Variants in ALK observed in about 807,000 individuals in gnomAD.
The protein encoded by ALK is ALK tyrosine kinase receptor.
A neutral mutation model predicts 163.1 loss-of-function variants in ALK; 74 were observed. The ratio of observed to expected loss-of-function variants is 0.45; its 90% CI spans 0.38 to 0.55. ALK has a LOEUF of 0.55. ALK is among the 20% of genes least tolerant of loss of function. The pLI is 0.00. For missense variants in ALK, 2,063 were observed against 2,105.3 expected, an observed-to-expected ratio of 0.98 and a Z score of 0.39; for synonymous variants, 960 against 843.2, an observed-to-expected ratio of 1.14 and a Z score of -2.40.
At chr2:29,264,433 CCT>C (rs1319134464) in intron 11 of ALK, among the ~76,000 whole-genome samples, 2 of 152,208 alleles carry the variant, frequency 1.3e-5, no homozygotes, top group African/African-American at 2.4e-5. Context: ...CACCACCACC[CCT>C]GTCCCCTTGA....
chr2:29,849,722 G>C (rs1435838300), intron 1 of ALK, among the ~76,000 whole-genome samples: 2 of 152,096 alleles, frequency 1.3e-5, no homozygotes, highest in Admixed American at 6.5e-5. Flanking sequence ...GCTGGTACCT[G>C]GCTGTCAGCA....
intron 4 of ALK, among the ~76,000 whole-genome samples, chr2:29,452,323 GTTTTTTTTGTT>G: frequency 1.3e-5 from 1 of 79,542 alleles, no homozygotes; most frequent in South Asian, 3.9e-4. Context: ...TCTCACTCAA[GTTTTTTTTGTT>G]TTTTTTTTTT....
chr2:29,314,211 A>G (rs1666767979), intron 8 of ALK, among the ~76,000 whole-genome samples: 1 of 152,164 alleles, frequency 6.6e-6, no homozygotes, highest in Admixed American at 6.5e-5. Flanking sequence ...GAAGGGCTTC[A>G]GGGATGGATG....
At chr2:29,194,167 C>CAGGAAA (rs1377323896) in intron 28 of ALK, among the ~76,000 whole-genome samples, 2 of 151,778 alleles carry the variant, frequency 1.3e-5, no homozygotes, top group African/African-American at 4.8e-5. Flanking sequence ...CAGAGTGGAG[C>CAGGAAA]AGGAAAAGCT....
intron 4 of ALK, among the ~76,000 whole-genome samples, chr2:29,409,188 C>CAA (rs2148320860): frequency 6.6e-6 from 1 of 152,296 alleles, no homozygotes; most frequent in East Asian, 1.9e-4. Flanking sequence ...AAATGCCACT[C>CAA]GTCTTGTTTC....
At chr2:29,285,969 G>A (rs1665846282) in intron 9 of ALK, among the ~76,000 whole-genome samples, 1 of 152,178 alleles carries the variant, frequency 6.6e-6, no homozygotes, top group African/African-American at 2.4e-5. Context: ...ACACAACCAG[G>A]TTGGCTGTTC....
intron 4 of ALK, among the ~76,000 whole-genome samples, chr2:29,500,485 T>C (rs1672143337): frequency 6.6e-6 from 1 of 152,170 alleles, no homozygotes; most frequent in Non-Finnish European, 1.5e-5. Flanking sequence ...ATTAAACCTC[T>C]TTCCTTTATA....
At chr2:29,770,880 T>C (rs1681000499) in intron 1 of ALK, among the ~76,000 whole-genome samples, 1 of 151,070 alleles carries the variant, frequency 6.6e-6, no homozygotes, top group African/African-American at 2.4e-5. Flanking sequence ...GTCACACACA[T>C]GCACACAGCC....
chr2:29,596,675 G>A (rs1450388642), intron 3 of ALK, among the ~76,000 whole-genome samples: 2 of 152,170 alleles, frequency 1.3e-5, no homozygotes, highest in Non-Finnish European at 2.9e-5. Context: ...CCAGTGGAGA[G>A]TCCTAACTGA....
intron 7 of ALK, among the ~76,000 whole-genome samples, chr2:29,319,871 A>G (rs1666960453): frequency 6.6e-6 from 1 of 152,274 alleles, no homozygotes; most frequent in Admixed American, 6.5e-5. Flanking sequence ...CTGTTCAACA[A>G]ATAAGCATTG....
At chr2:29,848,074 G>A (rs1665893442) in intron 1 of ALK, among the ~76,000 whole-genome samples, 1 of 152,100 alleles carries the variant, frequency 6.6e-6, no homozygotes, top group Non-Finnish European at 1.5e-5. Flanking sequence ...TCTCTTGGCT[G>A]CTGGTGAGGC....
chr2:29,357,871 G>A (rs1220497578), intron 5 of ALK, among the ~76,000 whole-genome samples: 3 of 152,148 alleles, frequency 2.0e-5, no homozygotes, highest in African/African-American at 2.4e-5. Flanking sequence ...CTATACTCTC[G>A]ATTTCAGAGA....
intron 3 of ALK, among the ~76,000 whole-genome samples, chr2:29,669,039 G>A (rs1013946206): frequency 3.3e-5 from 5 of 152,018 alleles, no homozygotes; most frequent in Admixed American, 1.3e-4. Flanking sequence ...TTCAAGATGA[G>A]ATTTTGGTGG....
rs11901552 is a variant in ALK at position 29,701,592 on chromosome 2, G to T, written c.788-6578C>A. On this transcript the variant is annotated intron_variant, in intron 2 of 28. Transcript: ENST00000389048. ...TCTCTTATTATGAAGTAAAGCTGGA[G>T]GTCTTACTTTCTTGTTCCTGGCAAC... 3.5e-3 allele frequency among the ~76,000 whole-genome samples: 532 copies of T among 152,276 alleles called. 3 individuals are homozygous for T. Among genetic ancestry groups the T allele is most frequent in the African/African-American group, 0.012 (503 of 41,544 alleles).
intron 3 of ALK, among the ~76,000 whole-genome samples, chr2:29,649,230 G>C (rs914807373): frequency 2.0e-5 from 3 of 151,528 alleles, no homozygotes; most frequent in African/African-American, 7.3e-5. Context: ...GAGAGAGAGA[G>C]AGAGAGAGAG....
At chr2:29,276,397 T>G (rs1467070259) in intron 9 of ALK, among the ~76,000 whole-genome samples, 2 of 152,228 alleles carry the variant, frequency 1.3e-5, no homozygotes, top group African/African-American at 2.4e-5. Context: ...ACTTTTGGTT[T>G]GTTTGTTTCC....
chr2:29,194,527 T>C (rs1668974984), intron 28 of ALK, among the ~76,000 whole-genome samples: 1 of 152,132 alleles, frequency 6.6e-6, no homozygotes, highest in Admixed American at 6.5e-5. Context: ...TTAGAGACAG[T>C]CTTGCTCAGT....
intron 22 of ALK, among the ~76,000 whole-genome samples, chr2:29,221,883 T>C (rs1474370329): frequency 1.5e-4 from 23 of 152,138 alleles, no homozygotes; most frequent in Admixed American, 1.5e-3. Context: ...TAAATCCAGA[T>C]CTTGGAGCCT....
intron 3 of ALK, among the ~76,000 whole-genome samples, chr2:29,630,377 A>AT (rs956292494): frequency 6.6e-6 from 1 of 151,930 alleles, no homozygotes; most frequent in Non-Finnish European, 1.5e-5. Context: ...TTTATTTATT[A>AT]TTTTTTTTCT....
Sources: gnomAD v4.1 joint callset for allele counts (sites outside exome capture counted in the v4.1 genomes callset) on GRCh38, gnomAD v4.1.1 for gene constraint, MANE v1.5 for transcripts, NCBI Gene and HGNC (gene_info 2026-07-23, HGNC 2026-07-21) for gene names.